The following ELMO1 variants were observed in gnomAD, a reference collection of about 807,000 sequenced individuals.
The protein encoded by ELMO1 is engulfment and cell motility protein 1.
Under a neutral mutation model 98.9 loss-of-function variants are expected in ELMO1, and 26 were observed. That is an observed-to-expected ratio of 0.26 (90% CI 0.19 to 0.36). The LOEUF is 0.36. Among genes scored for constraint, ELMO1 ranks in the 10% least tolerant of loss-of-function variants. ELMO1 has a pLI of 1.00. For synonymous variants in ELMO1, 346 were observed against 346.0 expected (o/e 1.00, Z 0.00); for missense variants, 627 against 935.2 (o/e 0.67, Z 4.30).
chr7:37,085,647 A>G (rs1783726251), intron 15 of ELMO1, among the ~76,000 whole-genome samples: 1 of 151,666 alleles, frequency 6.6e-6, no homozygotes. Context: ...CTGCTTTGGA[A>G]AAAAAAAATA....
At chr7:37,000,404 T>C (rs1792570254) in intron 16 of ELMO1, among the ~76,000 whole-genome samples, 1 of 151,976 alleles carries the variant, frequency 6.6e-6, no homozygotes, top group Non-Finnish European at 1.5e-5. Context: ...CAAACAAATA[T>C]GTGAAAGAGA....
rs747335574 is a variant in ELMO1 at position 37,444,213 on chromosome 7, C to T, written c.-74+4462G>A. On this transcript the variant is annotated intron_variant, in intron 1 of 21. Coordinates refer to ENST00000310758, the MANE Select transcript of ELMO1 (RefSeq NM_014800.11). ...ATCATGCATCCCAGCAGTGTGGCTG[C>T]CTCCAGAAGAGATTACAACTGTCTT... Among the ~76,000 whole-genome samples the T allele has an allele frequency of 3.2e-4, 49 of 152,274 alleles. 1 individual carries two copies. Among genetic ancestry groups the T allele is most frequent in the South Asian group, 1.2e-3 (6 of 4,830 alleles).
intron 16 of ELMO1, among the ~76,000 whole-genome samples, chr7:36,972,673 C>T (rs1242152258): frequency 6.6e-6 from 1 of 152,214 alleles, no homozygotes; most frequent in African/African-American, 2.4e-5. Context: ...TAGGGTCCAT[C>T]TGATGTCCTC....
chr7:37,327,389 T>G (rs147844525), intron 2 of ELMO1, among the ~76,000 whole-genome samples: 241 of 152,284 alleles, frequency 1.6e-3, no homozygotes, highest in African/African-American at 5.5e-3. Flanking sequence ...GACTGTCAGC[T>G]CCAATGGATA....
intron 14 of ELMO1, among the ~76,000 whole-genome samples, chr7:37,106,444 A>C (rs1288853348): frequency 6.6e-6 from 1 of 152,172 alleles, no homozygotes; most frequent in Non-Finnish European, 1.5e-5. Flanking sequence ...TGCAGCGCCA[A>C]GGTACCATCT....
intron 15 of ELMO1, among the ~76,000 whole-genome samples, chr7:37,013,980 A>T (rs1472946011): frequency 6.6e-6 from 1 of 152,182 alleles, no homozygotes; most frequent in African/African-American, 2.4e-5. Flanking sequence ...TGATGCCATT[A>T]ACCATTTGTT....
intron 16 of ELMO1, among the ~76,000 whole-genome samples, chr7:36,969,039 G>T (rs536564533): frequency 6.6e-6 from 1 of 151,948 alleles, no homozygotes; most frequent in Non-Finnish European, 1.5e-5. Context: ...ATTTATTGAG[G>T]ATCTTTAGCC....
intron 1 of ELMO1, among the ~76,000 whole-genome samples, chr7:37,357,934 T>C (rs1211064568): frequency 6.6e-6 from 1 of 152,240 alleles, no homozygotes; most frequent in Non-Finnish European, 1.5e-5. Flanking sequence ...TCTGAGGTGC[T>C]GAATGGCAGT....
At chr7:37,411,274 C>T (rs986013217) in intron 1 of ELMO1, among the ~76,000 whole-genome samples, 3 of 152,286 alleles carry the variant, frequency 2.0e-5, no homozygotes, top group South Asian at 2.1e-4. Context: ...TTTCATTTAC[C>T]GCTAGCCGTT....
intron 2 of ELMO1, among the ~76,000 whole-genome samples, chr7:37,319,639 T>C (rs1395644843): frequency 6.6e-6 from 1 of 152,198 alleles, no homozygotes; most frequent in African/African-American, 2.4e-5. Flanking sequence ...GTTCCTACAC[T>C]CAACTTGCCT....
intron 1 of ELMO1, among the ~76,000 whole-genome samples, chr7:37,379,624 C>G (rs78302773): frequency 3.3e-5 from 5 of 151,996 alleles, no homozygotes; most frequent in African/African-American, 4.8e-5. Flanking sequence ...AAACAGATAC[C>G]CCTTTATCAA....
chr7:37,124,092 T>C (rs1563017937), intron 14 of ELMO1, among the ~76,000 whole-genome samples: 1 of 152,178 alleles, frequency 6.6e-6, no homozygotes, highest in Non-Finnish European at 1.5e-5. Flanking sequence ...TAGCCCTTCA[T>C]GCTAAAAACT....
chr7:37,156,474 A>G (rs984917125), intron 13 of ELMO1, among the ~76,000 whole-genome samples: 3 of 152,242 alleles, frequency 2.0e-5, no homozygotes, highest in South Asian at 2.1e-4. Flanking sequence ...ATGCAATAAA[A>G]AATGATAAAG....
intron 4 of ELMO1, among the ~76,000 whole-genome samples, chr7:37,272,357 A>T (rs567173930): frequency 3.1e-4 from 47 of 152,360 alleles, no homozygotes; most frequent in African/African-American, 1.1e-3. Context: ...TTCCACAGAA[A>T]ATTAGTAAGT....
chr7:37,385,194 G>C (rs1802746041), intron 1 of ELMO1, among the ~76,000 whole-genome samples: 1 of 152,190 alleles, frequency 6.6e-6, no homozygotes, highest in Non-Finnish European at 1.5e-5. Flanking sequence ...TGATCCATTT[G>C]AGACCTAAGT....
intron 17 of ELMO1, among the ~76,000 whole-genome samples, chr7:36,889,575 T>C (rs1004559466): frequency 6.6e-6 from 1 of 152,226 alleles, no homozygotes; most frequent in African/African-American, 2.4e-5. Flanking sequence ...TATAGATATA[T>C]GTATTTAAAT....
chr7:37,409,679 G>T (rs1803916832), intron 1 of ELMO1, among the ~76,000 whole-genome samples: 1 of 152,156 alleles, frequency 6.6e-6, no homozygotes, highest in African/African-American at 2.4e-5. Flanking sequence ...ACAGCATGGT[G>T]GCTGGGTTCC....
In ELMO1 at chr7:37,034,338, G is replaced by C. The variant is rs562179864; in HGVS notation, c.1301-20903C>G. On this transcript the variant is annotated intron_variant, in intron 15 of 21. Coordinates refer to ENST00000310758, the MANE Select transcript of ELMO1 (RefSeq NM_014800.11). ...AGAATATGGTCATCTACAAGCCAAGGAGACAGGCCCCAGGAACAAACCAAT... is the reference window on the plus strand; with the variant it reads ...AGAATATGGTCATCTACAAGCCAAGCAGACAGGCCCCAGGAACAAACCAAT... Among the ~76,000 whole-genome samples, 19 of 152,258 alleles carry C rather than the reference G, an allele frequency of 1.2e-4. 1 individual carries two copies. The South Asian group carries it at 3.7e-3, about 30-fold the overall frequency.
intron 1 of ELMO1, among the ~76,000 whole-genome samples, chr7:37,426,142 C>CTTTTTTTTTTTTTT (rs36086006): frequency 3.2e-4 from 27 of 84,578 alleles, no homozygotes; most frequent in Non-Finnish European, 4.6e-4. Context: ...TTTTTTCTTT[C>CTTTTTTTTTTTTTT]TTTTTTTTTT....
Sources: gnomAD v4.1 joint callset for allele counts (sites outside exome capture counted in the v4.1 genomes callset) on GRCh38, gnomAD v4.1.1 for gene constraint, MANE v1.5 for transcripts, NCBI Gene and HGNC (gene_info 2026-07-23, HGNC 2026-07-21) for gene names.